PLA2G4F: variants seen among roughly 807,000 people sequenced by gnomAD.
PLA2G4F encodes phospholipase A2 group IVF, also known as cytosolic phospholipase A2 zeta.
A neutral mutation model predicts 103.1 loss-of-function variants in PLA2G4F; 105 were observed. The ratio of observed to expected loss-of-function variants is 1.02; its 90% CI spans 0.87 to 1.20. PLA2G4F has a LOEUF of 1.20. Ranked by LOEUF, PLA2G4F falls within the 50% of genes most tolerant of loss-of-function variation. The probability of loss-of-function intolerance (pLI) is 0.00; values close to 1 mark genes in which losing one functional copy is unlikely to be tolerated. For synonymous variants in PLA2G4F, 468 were observed against 441.1 expected (o/e 1.06, Z -0.76); for missense variants, 1,155 against 1,075.9 (o/e 1.07, Z -1.03).
chr15:42,147,842 A>ACCACCTCAC, intron 11 of PLA2G4F, 80 bp from the exon 12 acceptor site: 1 of 1,559,106 alleles, frequency 6.4e-7, no homozygotes. Context: ...GTAGGACATT[A>ACCACCTCAC]TTCTAAGAGT....
chr15:42,146,881 G>T, intron 13 of PLA2G4F: 1 of 484,520 alleles, frequency 2.1e-6, no homozygotes, highest in Non-Finnish European at 3.7e-6. Context: ...AGCTGCGCCG[G>T]TGATTCTAAT....
At chr15:42,151,703 C>G (rs1283460700) in intron 7 of PLA2G4F, 1 of 954,000 alleles carries the variant, frequency 1.0e-6, no homozygotes, top group Non-Finnish European at 1.2e-6. Flanking sequence ...TTATTCATGC[C>G]AAGGCCTATG....
In PLA2G4F at chr15:42,142,037, C is replaced by T. The variant is rs775787567; in HGVS notation, c.2497G>A (p.Ala833Thr). Residue 833 changes from alanine (A) to threonine (T), a missense_variant, in exon 20 of 20, where the codon GCC (alanine) becomes ACC (threonine). By Grantham distance (58) the Ala-to-Thr change is moderately conservative. This residue lies in a region of PLA2G4F where 782 missense variants were observed against 692.9 expected (regional missense o/e 1.13). Coordinates refer to ENST00000397272, the MANE Select transcript of PLA2G4F (RefSeq NM_213600.4). ...TGCCGGTCCAGAGCCAGCTGGAGGG[C>T]GCACTTCAAGGTCTCCACGTTGTTC... ...VLNNVETLKCALQLALDRHQA... is the reference protein window; with the variant it reads ...VLNNVETLKCTLQLALDRHQA... 5.6e-5 allele frequency: 90 copies of T among 1,614,046 alleles called. No homozygotes were observed. The highest frequency in any genetic ancestry group is 8.3e-5 in the Admixed American group (5 of 60,010).
chr15:42,143,897 C>G (rs2048850292), intron 18 of PLA2G4F, 81 bp downstream of exon 18: 4 of 1,474,356 alleles, frequency 2.7e-6, no homozygotes, highest in East Asian at 2.3e-5. Flanking sequence ...CTCACCAGAG[C>G]CTTCTTTCCC....
At chr15:42,148,111 G>C (rs1259262519) in intron 11 of PLA2G4F, among the ~76,000 whole-genome samples, 2 of 151,878 alleles carry the variant, frequency 1.3e-5, no homozygotes, top group East Asian at 1.9e-4. Context: ...GAACCCAGGA[G>C]GCGGAGCTTG....
intron 16 of PLA2G4F, 144 bp from the exon 17 acceptor site, chr15:42,144,788 G>T: frequency 1.2e-6 from 1 of 839,636 alleles, no homozygotes; most frequent in South Asian, 2.5e-5. Flanking sequence ...CCAAGCCTCT[G>T]ACCAATGCTT....
intron 11 of PLA2G4F, among the ~76,000 whole-genome samples, chr15:42,148,306 C>T (rs909751888): frequency 1.3e-5 from 2 of 152,164 alleles, no homozygotes; most frequent in East Asian, 1.9e-4. Flanking sequence ...AGCAGTATGG[C>T]TCCAGAGATA....
Position 42,141,416 on chromosome 15 carries a change from A to G in PLA2G4F, c.*568T>C. On this transcript the variant is annotated 3_prime_UTR_variant, in exon 20 of 20. Coordinates refer to ENST00000397272, the MANE Select transcript of PLA2G4F (RefSeq NM_213600.4). ...TGGGAGGAGGCACGAGGAGACCAGA[A>G]GGCAGAAGGAGGGTTAGGATGATGG... The G allele has an allele frequency of 2.2e-6, 1 of 454,490 alleles. No individual in the cohort carries two copies. Among genetic ancestry groups the G allele is most frequent in the South Asian group, 1.6e-5 (1 of 64,286 alleles). The allele number at this position is 454,490 out of a possible 1,614,324, so 28.2% of individuals were successfully genotyped here. A position where few individuals can be genotyped will look rare whatever the true frequency, so the allele number is the denominator to read the frequency against.
chr15:42,148,181 C>CA (rs59009245), intron 11 of PLA2G4F, among the ~76,000 whole-genome samples: 17,685 of 85,436 alleles, frequency 0.21, 2,700 homozygotes, highest in African/African-American at 0.42. Context: ...GACTCCGTCT[C>CA]AAAAAAAAAA....
In PLA2G4F at chr15:42,150,919, A is replaced by C. The variant is rs1036160804; in HGVS notation, c.602-142T>G. ...AGCTCTTATCGCCCGCTCTCTCTTGAGCACTGCTCATAGAGAAAGCCTCTG... is the reference window on the plus strand; with the variant it reads ...AGCTCTTATCGCCCGCTCTCTCTTGCGCACTGCTCATAGAGAAAGCCTCTG... On this transcript the variant is annotated intron_variant, in intron 7 of 19. Coordinates refer to ENST00000397272, the MANE Select transcript of PLA2G4F (RefSeq NM_213600.4). 1.4e-5 allele frequency: 21 copies of C among 1,453,568 alleles called. No individual in the cohort carries two copies. In the African/African-American group the frequency reaches 2.7e-4, roughly 19 times the overall value. The allele number at this position is 1,453,568 out of a possible 1,614,324, so 90.0% of individuals were successfully genotyped here.
intron 18 of PLA2G4F, 121 bp downstream of exon 18, chr15:42,143,857 G>A: frequency 7.6e-7 from 1 of 1,314,134 alleles, no homozygotes; most frequent in Non-Finnish European, 1.0e-6. Flanking sequence ...CGTCCACAAA[G>A]GGCAATCCCC....
Position 42,144,067 on chromosome 15 carries a change from T to G in PLA2G4F, c.2053A>C (p.Ile685Leu). The G allele has an allele frequency of 6.2e-7, 1 of 1,614,018 alleles. No individual in the cohort carries two copies. Among genetic ancestry groups the G allele is most frequent in the East Asian group, 2.2e-5 (1 of 44,862 alleles). The change falls in exon 18 of 20, where the codon ATC (isoleucine) becomes CTC (leucine). Residue 685 changes from isoleucine (I) to leucine (L), a missense_variant. Around this residue, in one of 3 missense-constraint regions of PLA2G4F, gnomAD observed 782 missense variants for 692.9 expected, o/e 1.13. Coordinates refer to ENST00000397272, the MANE Select transcript of PLA2G4F (RefSeq NM_213600.4). ...CLYLVDGGFA[I>L]NSPFPLALLP... The stretch of plus-strand genomic sequence containing the variant: ...AGAGCCAGTGGGAACGGAGAGTTGA[T>G]GGCAAAGCCTCCGTCCACCAGGTAC...
intron 13 of PLA2G4F, 71 bp from the exon 14 acceptor site, chr15:42,146,312 G>A (rs546231280): frequency 1.2e-4 from 167 of 1,416,998 alleles, no homozygotes; most frequent in East Asian, 2.3e-4. Flanking sequence ...GCCTGGGGCC[G>A]GCACCCTGCA....
chr15:42,143,855 A>G, intron 18 of PLA2G4F, 123 bp downstream of exon 18: 1 of 1,307,282 alleles, frequency 7.6e-7, no homozygotes, highest in Non-Finnish European at 1.0e-6. Flanking sequence ...GCCGTCCACA[A>G]AGGGCAATCC....
Position 42,147,352 on chromosome 15 carries a change from G to T in PLA2G4F, c.1197-6C>A. 1 of 1,602,646 alleles carries T rather than the reference G, an allele frequency of 6.2e-7. No homozygotes were observed. The highest frequency in any genetic ancestry group is 8.5e-7 in the Non-Finnish European group (1 of 1,178,670). Reference sequence around the variant, plus strand: ...TGTAGAGTGTGGAGATGCACCTGGGGATTGGAGGTGTGCCTGAGTCAGGGG... The same window carrying T: ...TGTAGAGTGTGGAGATGCACCTGGGTATTGGAGGTGTGCCTGAGTCAGGGG... On this transcript the variant is annotated splice_region_variant and splice_polypyrimidine_tract_variant and intron_variant, in intron 12 of 19. Coordinates refer to ENST00000397272, the MANE Select transcript of PLA2G4F (RefSeq NM_213600.4).
rs758703854 is a variant in PLA2G4F at position 42,153,669 on chromosome 15, A to AG, written c.451-10dup. 1 of 1,613,848 alleles carries AG rather than the reference A, an allele frequency of 6.2e-7. No homozygotes were observed. Among genetic ancestry groups the AG allele is most frequent in the African/African-American group, 1.3e-5 (1 of 74,894 alleles). ...TGCAGCTCTTGTGAATCCTACATGGAGGGGGAGGGAGCACCAATTTTTTCA... is the reference window on the plus strand; with the variant it reads ...TGCAGCTCTTGTGAATCCTACATGGAGGGGGGAGGGAGCACCAATTTTTTCA... On this transcript the variant is annotated splice_polypyrimidine_tract_variant and intron_variant, in intron 4 of 19. Coordinates refer to ENST00000397272, the MANE Select transcript of PLA2G4F (RefSeq NM_213600.4).
chr15:42,144,656 C>A lies in PLA2G4F; in HGVS notation c.1781-12G>T. The A allele has an allele frequency of 6.4e-7, 1 of 1,562,814 alleles. No homozygotes were observed. On this transcript the variant is annotated splice_polypyrimidine_tract_variant and intron_variant, in intron 16 of 19. Coordinates refer to ENST00000397272, the MANE Select transcript of PLA2G4F (RefSeq NM_213600.4). ...CTTCTGGCAGTCGTCTAGACAGGGG[C>A]GGGACAGTGAAATAGAGGGGAAAGT...
chr15:42,148,553 A>G (rs2048917947), intron 11 of PLA2G4F: 2 of 931,448 alleles, frequency 2.1e-6, no homozygotes, highest in African/African-American at 1.8e-5. Context: ...CAACAATGAA[A>G]TCGATCTCTA....
At chr15:42,145,552 G>A (rs1209144582) in intron 16 of PLA2G4F, 23 bp downstream of exon 16, 2 of 1,601,752 alleles carry the variant, frequency 1.2e-6, no homozygotes, top group Non-Finnish European at 1.7e-6. Flanking sequence ...GGTGTGGGAG[G>A]GGCTCGGGGT....
Sources: allele counts gnomAD v4.1 joint callset (sites outside exome capture counted in the v4.1 genomes callset), GRCh38; gene constraint gnomAD v4.1.1; regional missense constraint gnomAD v4.1.1; transcripts MANE v1.5; gene names NCBI Gene and HGNC (gene_info 2026-07-23, HGNC 2026-07-21).